Variants in KSR2 observed in about 807,000 individuals in gnomAD.
The protein encoded by KSR2 is kinase suppressor of ras 2.
KSR2 carries 25 observed loss-of-function variants against 107.8 expected under a neutral mutation model. The ratio of observed to expected loss-of-function variants is 0.23; its 90% CI spans 0.17 to 0.32. The LOEUF (loss-of-function observed/expected upper bound fraction) is 0.32, where lower values mean the gene tolerates loss of function less well. KSR2 is among the 10% of genes least tolerant of loss of function. KSR2 has a pLI of 1.00. For synonymous variants in KSR2, 480 were observed against 507.0 expected, an observed-to-expected ratio of 0.95 and a Z score of 0.71; for missense variants, 887 against 1,268.9, an observed-to-expected ratio of 0.70 and a Z score of 4.57.
intron 5 of KSR2, among the ~76,000 whole-genome samples, chr12:117,657,449 G>C (rs894644964): frequency 6.6e-6 from 1 of 152,088 alleles, no homozygotes; most frequent in African/African-American, 2.4e-5. Context: ...ACTTAGGTTG[G>C]GTTACCTGTC....
intron 9 of KSR2, among the ~76,000 whole-genome samples, chr12:117,542,778 C>T (rs970813721): frequency 4.6e-5 from 7 of 152,168 alleles, no homozygotes; most frequent in Admixed American, 1.3e-4. Flanking sequence ...GAGATGTGTA[C>T]CCTGGTGCCC....
intron 4 of KSR2, among the ~76,000 whole-genome samples, chr12:117,730,166 T>G (rs116343297): frequency 0.018 from 2,730 of 152,214 alleles, 73 homozygotes; most frequent in African/African-American, 0.06. Flanking sequence ...AAACAGGTGG[T>G]GGGCAAGATT....
chr12:117,863,219 C>A lies in KSR2; in HGVS notation c.181-2788G>T, dbSNP rs527732754. Among the ~76,000 whole-genome samples the A allele has an allele frequency of 7.9e-5, 12 of 152,254 alleles. No homozygotes were observed. The East Asian group carries it at 2.3e-3, about 30-fold the overall frequency. On this transcript the variant is annotated intron_variant, in intron 1 of 19. Transcript: ENST00000339824. ...GGGTCAAGGGCAATCATGGATCCAA[C>A]TGGGCCACTGAGACCCCACCAGGAC...
At chr12:117,633,778 A>C (rs1882920091) in intron 5 of KSR2, among the ~76,000 whole-genome samples, 1 of 152,264 alleles carries the variant, frequency 6.6e-6, no homozygotes, top group East Asian at 1.9e-4. Context: ...TAATAAAATC[A>C]CACTCTGGGG....
chr12:117,924,572 C>CAAAAA (rs58789868), intron 1 of KSR2, among the ~76,000 whole-genome samples: 110 of 39,292 alleles, frequency 2.8e-3, no homozygotes, highest in South Asian at 3.6e-3. Flanking sequence ...AGCTCCATCT[C>CAAAAA]AAAAAAAAAA....
At chr12:117,730,854 G>A (rs1007413144) in intron 4 of KSR2, among the ~76,000 whole-genome samples, 12 of 152,142 alleles carry the variant, frequency 7.9e-5, no homozygotes, top group African/African-American at 2.7e-4. Context: ...ATCTCGGCTC[G>A]CTACAACCTC....
chr12:117,595,351 CTTTTTTTTTTTT>C (rs71099060), intron 5 of KSR2, among the ~76,000 whole-genome samples: 1 of 94,584 alleles, frequency 1.1e-5, no homozygotes, highest in African/African-American at 4.3e-5. Flanking sequence ...AGATCAAATT[CTTTTTTTTTTTT>C]TTTTTTTTTT....
chr12:117,745,758 A>C (rs1177649860), intron 4 of KSR2, among the ~76,000 whole-genome samples: 1 of 152,190 alleles, frequency 6.6e-6, no homozygotes, highest in Non-Finnish European at 1.5e-5. Context: ...TCAACATGCA[A>C]AAATCACAAG....
chr12:117,667,361 A>G, intron 5 of KSR2, 113 bp downstream of exon 5: 4 of 1,023,482 alleles, frequency 3.9e-6, no homozygotes, highest in Non-Finnish European at 5.8e-6. Flanking sequence ...GCATTTCACA[A>G]GCCCTTGAGA....
chr12:117,941,710 T>G (rs1896014358), intron 1 of KSR2, among the ~76,000 whole-genome samples: 1 of 128,872 alleles, frequency 7.8e-6, no homozygotes, highest in African/African-American at 2.9e-5. Flanking sequence ...TACTGCAGCC[T>G]CCGCCTCCCT....
chr12:117,877,474 TTG>T (rs762684519), intron 1 of KSR2, among the ~76,000 whole-genome samples: 11 of 152,334 alleles, frequency 7.2e-5, no homozygotes, highest in East Asian at 5.8e-4. Context: ...GCCTACTGCT[TTG>T]TGTTAATAAC....
chr12:117,591,535 T>C (rs1196592980), intron 5 of KSR2, among the ~76,000 whole-genome samples: 1 of 152,056 alleles, frequency 6.6e-6, no homozygotes, highest in Non-Finnish European at 1.5e-5. Context: ...TAGCAGCTGA[T>C]ATTGGTAGGA....
chr12:117,919,283 A>G (rs1284427662), intron 1 of KSR2, among the ~76,000 whole-genome samples: 1 of 152,214 alleles, frequency 6.6e-6, no homozygotes, highest in African/African-American at 2.4e-5. Context: ...CAGACCCTTA[A>G]CAATGAAGAG....
Position 117,892,832 on chromosome 12 carries a change from C to T in KSR2, c.181-32401G>A, listed in dbSNP as rs186339015. Among the ~76,000 whole-genome samples the T allele has an allele frequency of 2.1e-3, 301 of 142,686 alleles. 2 individuals carry two copies. Among genetic ancestry groups the T allele is most frequent in the African/African-American group, 7.4e-3 (288 of 39,174 alleles). The allele number at this position is 142,686 out of a possible 152,430, so 93.6% of individuals were successfully genotyped here. A position where few individuals can be genotyped will look rare whatever the true frequency, so the allele number is the denominator to read the frequency against. On this transcript the variant is annotated intron_variant, in intron 1 of 19. Transcript: ENST00000339824. Reference sequence around the variant, plus strand: ...AAAAAATCAATCTCATGAGAAGTTGCTTTTAAAGTGAATTTTTATAAATAG... The same window carrying T: ...AAAAAATCAATCTCATGAGAAGTTGTTTTTAAAGTGAATTTTTATAAATAG...
At chr12:117,568,942 T>G (rs552287777) in intron 7 of KSR2, among the ~76,000 whole-genome samples, 1 of 152,320 alleles carries the variant, frequency 6.6e-6, no homozygotes, top group Admixed American at 6.5e-5. Context: ...ATCTCTGAAA[T>G]ACTTGCTCAT....
At chr12:117,679,172 G>A (rs1885263769) in intron 4 of KSR2, among the ~76,000 whole-genome samples, 1 of 152,124 alleles carries the variant, frequency 6.6e-6, no homozygotes, top group Non-Finnish European at 1.5e-5. Flanking sequence ...CTGAACTCAA[G>A]TCTGAGCGCC....
chr12:117,955,648 C>T (rs972790212), intron 1 of KSR2, among the ~76,000 whole-genome samples: 2 of 151,814 alleles, frequency 1.3e-5, no homozygotes, highest in African/African-American at 4.8e-5. Context: ...GAAAATCAAA[C>T]GCATCCATCT....
chr12:117,788,932 G>A (rs1005107473), intron 3 of KSR2, among the ~76,000 whole-genome samples: 1 of 152,180 alleles, frequency 6.6e-6, no homozygotes, highest in Non-Finnish European at 1.5e-5. Context: ...TCAAACTTGA[G>A]CATGTATCTG....
chr12:117,528,990 C>A (rs529945530), intron 12 of KSR2, among the ~76,000 whole-genome samples: 1 of 152,294 alleles, frequency 6.6e-6, no homozygotes, highest in South Asian at 2.1e-4. Context: ...TGATCTCGAG[C>A]TAGATGTCAG....
Sources: gnomAD v4.1 joint callset for allele counts (sites outside exome capture counted in the v4.1 genomes callset) on GRCh38, gnomAD v4.1.1 for gene constraint, MANE v1.5 for transcripts, NCBI Gene and HGNC (gene_info 2026-07-23, HGNC 2026-07-21) for gene names.